The following INSR variants were observed in gnomAD, a reference collection of about 807,000 sequenced individuals.
INSR encodes IR.
Under a neutral mutation model 142.6 loss-of-function variants are expected in INSR, and 67 were observed. The observed-to-expected ratio is 0.47, with a 90% CI of 0.39 to 0.58. INSR has a LOEUF of 0.58. Among genes scored for constraint, INSR ranks in the 20% least tolerant of loss-of-function variants. The pLI is 0.00. For missense variants in INSR, 1,248 were observed against 1,833.2 expected (o/e 0.68, Z 5.83); for synonymous variants, 756 against 743.1 (o/e 1.02, Z -0.28).
intron 2 of INSR, among the ~76,000 whole-genome samples, chr19:7,235,060 A>AT (rs1222743710): frequency 8.0e-5 from 11 of 137,000 alleles, no homozygotes; most frequent in Middle Eastern, 3.6e-3. Context: ...TCCGTCTCAA[A>AT]AAATAATAAT....
chr19:7,293,867 C>T lies in INSR; in HGVS notation c.25G>A (p.Ala9Thr), dbSNP rs1417610197. Reference protein sequence around the residue: MATGGRRGAAAAPLLVAVA... With the variant: MATGGRRGTAAAPLLVAVA... ...GCCACCAGCAGCGGCGCGGCCGCCG[C>T]CCCCCGCCGGCCCCCGGTGGCCATG... The change falls in exon 1 of 22, where the codon GCG becomes ACG. Residue 9 changes from alanine to threonine, a missense_variant. Around this residue, in one of 3 missense-constraint regions of INSR, gnomAD observed 57 missense variants for 49.5 expected, o/e 1.15. Coordinates refer to ENST00000302850, the MANE Select transcript of INSR (RefSeq NM_000208.4). The T allele has an allele frequency of 4.0e-6, 5 of 1,240,704 alleles. No individual in the cohort carries two copies. Among genetic ancestry groups the T allele is most frequent in the East Asian group, 3.4e-5 (1 of 29,332 alleles). 76.9% of individuals were successfully genotyped at this position (1,240,704 alleles called of 1,614,324 possible).
At chr19:7,223,951 T>A (rs112281837) in intron 2 of INSR, among the ~76,000 whole-genome samples, 983 of 56,268 alleles carry the variant, frequency 0.017, 11 homozygotes, top group East Asian at 0.11. Flanking sequence ...CAAAAAAAAA[T>A]TTTTTTTTTT....
At position 7,267,652 on chromosome 19, in the gene INSR, G is replaced by A. The variant is rs374952799; in HGVS notation, c.345C>T (p.Phe115=). ...NLTVIRGSRL[F]FNYALVIFEM... The stretch of plus-strand genomic sequence containing the variant: ...CGAAGATGACCAGCGCGTAGTTAAA[G>A]AACAGTCGTGATCCCCGGATGACCG... The change falls in exon 2 of 22, where the codon TTC becomes TTT. Residue 115 remains phenylalanine, a synonymous_variant. Coordinates refer to ENST00000302850, the MANE Select transcript of INSR (RefSeq NM_000208.4). The surrounding 1 kb of genome is among the most constrained non-coding windows in gnomAD (Gnocchi z 6.3). 3.7e-6 allele frequency: 6 copies of A among 1,613,932 alleles called. No individual in the cohort carries two copies. Among genetic ancestry groups the A allele is most frequent in the Admixed American group, 3.3e-5 (2 of 59,988 alleles).
intron 1 of INSR, among the ~76,000 whole-genome samples, chr19:7,279,583 G>A (rs1363527349): frequency 6.6e-6 from 1 of 151,354 alleles, no homozygotes; most frequent in Admixed American, 6.7e-5. Context: ...CAGGGATGTG[G>A]GTCCCGTGGG....
chr19:7,288,081 G>T (rs1185467828), intron 1 of INSR, among the ~76,000 whole-genome samples: 10 of 152,066 alleles, frequency 6.6e-5, no homozygotes, highest in African/African-American at 2.4e-4. Flanking sequence ...TCTTAGCTGG[G>T]CGCAATGGTT....
chr19:7,138,013 GA>G (rs1455988997), intron 13 of INSR, among the ~76,000 whole-genome samples: 3 of 148,130 alleles, frequency 2.0e-5, no homozygotes, highest in Admixed American at 6.8e-5. Flanking sequence ...GCCCAGGCTG[GA>G]GTGCAGTGGC....
rs1246915228 is a variant in INSR, at chr19:7,267,876, G to A, written c.121C>T (p.Arg41Trp). The change falls in exon 2 of 22, where the codon CGG becomes TGG. Residue 41 changes from arginine (R) to tryptophan (W), a missense_variant. By Grantham distance (101) the Arg-to-Trp change is moderately radical (BLOSUM62 -3). Around this residue, in one of 3 missense-constraint regions of INSR, gnomAD observed 1,069 missense variants for 1,654.0 expected, o/e 0.65. Transcript: ENST00000302850. The surrounding 1 kb of genome is among the most constrained non-coding windows in gnomAD (Gnocchi z 6.3). Reference protein sequence around the residue: ...PGEVCPGMDIRNNLTRLHELE... With the variant: ...PGEVCPGMDIWNNLTRLHELE... ...TCATGCAACCTAGTGAGGTTGTTCC[G>A]GATATCCATGCCGGGACACACTACA... 6.2e-7 allele frequency: 1 copy of A among 1,613,776 alleles called. No individual in the cohort carries two copies. The highest frequency in any genetic ancestry group is 8.5e-7 in the Non-Finnish European group (1 of 1,179,924).
In INSR at chr19:7,200,779, G is replaced by A. The variant is rs539595836; in HGVS notation, c.653-16142C>T. 2.1e-3 allele frequency among the ~76,000 whole-genome samples: 310 copies of A among 149,916 alleles called. 1 individual carries two copies. Among genetic ancestry groups the A allele is most frequent in the Non-Finnish European group, 3.4e-3 (232 of 67,794 alleles). On this transcript the variant is annotated intron_variant, in intron 2 of 21. Coordinates refer to ENST00000302850, the MANE Select transcript of INSR (RefSeq NM_000208.4). ...GGAAGCTGAGGCAGAAGGATTGCTC[G>A]AGTCCAGGAAGTTGAGGCTGCAGTG...
At chr19:7,195,459 A>G (rs1974718396) in intron 2 of INSR, among the ~76,000 whole-genome samples, 1 of 152,064 alleles carries the variant, frequency 6.6e-6, no homozygotes, top group Non-Finnish European at 1.5e-5. Context: ...CCTGGCCAAC[A>G]TGGTGAAACC....
In INSR at chr19:7,175,387, C is replaced by G. The variant is rs181831267; in HGVS notation, c.975-656G>C. On this transcript the variant is annotated intron_variant, in intron 3 of 21. Coordinates refer to ENST00000302850, the MANE Select transcript of INSR (RefSeq NM_000208.4). ...TAAGTCCATCATGCTACGGCAAGGT[C>G]TTCTGACCTCAGCATTGTTCACATT... 1.8e-3 allele frequency among the ~76,000 whole-genome samples: 270 copies of G among 152,192 alleles called. 1 individual carries two copies. Among genetic ancestry groups the G allele is most frequent in the African/African-American group, 5.9e-3 (243 of 41,530 alleles).
At position 7,142,952 on chromosome 19, in the gene INSR, C is replaced by T; in HGVS notation, c.2406G>A (p.Val802=). ...CGGAGATGACCAGCGACTCCTTGTT[C>T]ACCACCTTCTCAAAAGGCCTGTGCT... The part of the protein sequence containing the change: ...PEEHRPFEKV[V]NKESLVISGL... Residue 802 remains valine, a synonymous_variant, in exon 12 of 22, where the codon GTG becomes GTA. Coordinates refer to ENST00000302850, the MANE Select transcript of INSR (RefSeq NM_000208.4). 1.2e-6 allele frequency: 2 copies of T among 1,614,146 alleles called. No individual in the cohort carries two copies. Among genetic ancestry groups the T allele is most frequent in the Non-Finnish European group, 1.7e-6 (2 of 1,180,014 alleles).
At position 7,244,906 on chromosome 19, in the gene INSR, A is replaced by G. The variant is rs79769942; in HGVS notation, c.652+22439T>C. 8.2e-4 allele frequency among the ~76,000 whole-genome samples: 118 copies of G among 143,336 alleles called. 3 individuals carry two copies. In the East Asian group the frequency reaches 0.023, roughly 28 times the overall value. The allele number at this position is 143,336 out of a possible 152,430, so 94.0% of individuals were successfully genotyped here. Reference sequence around the variant, plus strand: ...ATTAAATTTTTAAATCAATATCTCAATGGGTTTTTTTGTTTTTGTTTTTGC... The same window carrying G: ...ATTAAATTTTTAAATCAATATCTCAGTGGGTTTTTTTGTTTTTGTTTTTGC... On this transcript the variant is annotated intron_variant, in intron 2 of 21. Transcript: ENST00000302850.
At chr19:7,229,953 G>A (rs1232751653) in intron 2 of INSR, among the ~76,000 whole-genome samples, 1 of 151,152 alleles carries the variant, frequency 6.6e-6, no homozygotes, top group Non-Finnish European at 1.5e-5. Flanking sequence ...TCTTTTTTTT[G>A]TTTGTTTGTT....
chr19:7,158,520 A>G, intron 9 of INSR, among the ~76,000 whole-genome samples: 1 of 152,234 alleles, frequency 6.6e-6, no homozygotes, highest in East Asian at 1.9e-4. Flanking sequence ...AAAAGAAAAG[A>G]AAAGAAAAAT....
At chr19:7,285,172 C>T (rs78114750) in intron 1 of INSR, among the ~76,000 whole-genome samples, 4,928 of 151,944 alleles carry the variant, frequency 0.032, 278 homozygotes, top group African/African-American at 0.11. Context: ...AAAATTAGGC[C>T]GGGCACAGTG....
intron 3 of INSR, among the ~76,000 whole-genome samples, chr19:7,180,936 T>G (rs1209422517): frequency 6.6e-6 from 1 of 152,086 alleles, no homozygotes; most frequent in Non-Finnish European, 1.5e-5. Context: ...TATGATCAGA[T>G]GACCACTTTT....
rs2144780556 is a variant in INSR, at chr19:7,113,586, A to G, written c.*3470T>C. 1 of 152,334 alleles carries G rather than the reference A, an allele frequency of 6.6e-6. No individual in the cohort carries two copies. Among genetic ancestry groups the G allele is most frequent in the South Asian group, 2.1e-4 (1 of 4,830 alleles). 9.4% of individuals were successfully genotyped at this position (152,334 alleles called of 1,614,324 possible). ...CACTACATTAATGAAAAGGGTTTTA[A>G]TCATAGTGAGACATCTTTAAGAACA... On this transcript the variant is annotated 3_prime_UTR_variant, in exon 22 of 22. Coordinates refer to ENST00000302850, the MANE Select transcript of INSR (RefSeq NM_000208.4).
intron 13 of INSR, among the ~76,000 whole-genome samples, chr19:7,139,319 A>G (rs1441283046): frequency 2.6e-5 from 4 of 152,230 alleles, no homozygotes; most frequent in Admixed American, 2.6e-4. Flanking sequence ...AACTGACTGA[A>G]ACAATAACTA....
chr19:7,132,141 C>T lies in INSR; in HGVS notation c.2842+17G>A, dbSNP rs1264391563. On this transcript the variant is annotated intron_variant, in intron 14 of 21. Coordinates refer to ENST00000302850, the MANE Select transcript of INSR (RefSeq NM_000208.4). ...TAAGCACAGCCCCAGTCAGCTGAGG[C>T]TGCCATGGAGACTTACAATAGTCTG... The T allele has an allele frequency of 6.2e-7, 1 of 1,613,922 alleles. No homozygotes were observed. Among genetic ancestry groups the T allele is most frequent in the African/African-American group, 1.3e-5 (1 of 74,946 alleles).
Sources: allele counts gnomAD v4.1 joint callset (sites outside exome capture counted in the v4.1 genomes callset), GRCh38; gene constraint gnomAD v4.1.1; regional missense constraint gnomAD v4.1.1; non-coding constraint Gnocchi (gnomAD v3.1); transcripts MANE v1.5; gene names NCBI Gene and HGNC (gene_info 2026-07-23, HGNC 2026-07-21).